WDR4: variants seen among roughly 807,000 people sequenced by gnomAD.
WDR4 encodes WDR4 tRNA N7-guanosine methyltransferase non-catalytic subunit.
A neutral mutation model predicts 48.6 loss-of-function variants in WDR4; 47 were observed. That is an observed-to-expected ratio of 0.97 (90% CI 0.77 to 1.23). The LOEUF (loss-of-function observed/expected upper bound fraction) is 1.23, where lower values mean the gene tolerates loss of function less well. Ranked by LOEUF, WDR4 falls within the 50% of genes most tolerant of loss-of-function variation. WDR4 has a pLI of 0.00. For synonymous variants in WDR4, 268 were observed against 230.0 expected (o/e 1.17, Z -1.49); for missense variants, 606 against 551.6 (o/e 1.10, Z -0.99).
the WDR4 span, among the ~76,000 whole-genome samples, chr21:42,885,631 G>C: frequency 6.6e-6 from 1 of 151,964 alleles, no homozygotes; most frequent in Non-Finnish European, 1.5e-5. Context: ...TAGATAGATA[G>C]ATATAAATTA....
rs113921521 is a variant in WDR4, at chr21:42,855,634, C to A, written c.726+48G>T. 1.3e-4 allele frequency: 184 copies of A among 1,390,208 alleles called. 3 individuals carry two copies. In the South Asian group the frequency reaches 1.8e-3, roughly 14 times the overall value. 86.1% of individuals were successfully genotyped at this position (1,390,208 alleles called of 1,614,324 possible). A position where few individuals can be genotyped will look rare whatever the true frequency, so the allele number is the denominator to read the frequency against. On this transcript the variant is annotated intron_variant, in intron 7 of 10. Coordinates refer to ENST00000398208, the MANE Select transcript of WDR4 (RefSeq NM_018669.6). ...TTTTCCACTCAAGTCAGGCGACTGC[C>A]GGTGTCTACAAGCACTCAGTCGCCC...
At position 42,859,703 on chromosome 21, in the gene WDR4, C is replaced by T. The variant is rs141906425; in HGVS notation, c.586G>A (p.Val196Met). The T allele has an allele frequency of 8.8e-4, 1,374 of 1,562,622 alleles. 3 individuals carry two copies. Among genetic ancestry groups the T allele is most frequent in the Non-Finnish European group, 1.1e-3 (1,230 of 1,153,532 alleles). Residue 196 changes from valine (V) to methionine (M), a missense_variant, in exon 6 of 11, where the codon GTG becomes ATG. By Grantham distance (21) the Val-to-Met change is conservative (BLOSUM62 1). Transcript: ENST00000398208. ...AGCAGCCCGGGCTGAGTTGGCACCA[C>T]GGAGATACGGCTCACAAACCTGTGA... ...GHTEFVSRISVVPTQPGLLLS... is the reference protein window; with the variant it reads ...GHTEFVSRISMVPTQPGLLLS...
At chr21:42,869,968 G>A (rs1468467504) in intron 3 of WDR4, among the ~76,000 whole-genome samples, 5 of 150,808 alleles carry the variant, frequency 3.3e-5, no homozygotes, top group South Asian at 2.1e-4. Flanking sequence ...AGCCTAGATC[G>A]TGCCATTGCC....
rs542968530 is a variant in WDR4, at chr21:42,851,467, G to A, written c.1045+788C>T. Among the ~76,000 whole-genome samples, 11 of 152,324 alleles carry A rather than the reference G, an allele frequency of 7.2e-5. No homozygotes were observed. In the East Asian group the frequency reaches 1.5e-3, roughly 21 times the overall value. Reference sequence around the variant, plus strand: ...CGACCTCAGTGTGAATCCCTCCAGAGCTCCAAGGAACCTCAGTGCTCACTG... The same window carrying A: ...CGACCTCAGTGTGAATCCCTCCAGAACTCCAAGGAACCTCAGTGCTCACTG... On this transcript the variant is annotated intron_variant, in intron 10 of 10. Transcript: ENST00000398208.
At chr21:42,864,640 A>G (rs967499872) in intron 3 of WDR4, among the ~76,000 whole-genome samples, 3 of 152,188 alleles carry the variant, frequency 2.0e-5, no homozygotes, top group African/African-American at 7.2e-5. Context: ...AGAGTCATGG[A>G]TGCACCAGAG....
intron 3 of WDR4, among the ~76,000 whole-genome samples, chr21:42,865,669 C>T (rs1489717936): frequency 6.6e-6 from 1 of 152,092 alleles, no homozygotes; most frequent in Non-Finnish European, 1.5e-5. Flanking sequence ...GGGCAGGTCA[C>T]TGGACCAATG....
rs953473824 is a variant in WDR4 at position 42,853,600 on chromosome 21, A to C, written c.944T>G (p.Val315Gly). 2 of 1,610,798 alleles carry C rather than the reference A, an allele frequency of 1.2e-6. No individual in the cohort carries two copies. Among genetic ancestry groups the C allele is most frequent in the Non-Finnish European group, 1.7e-6 (2 of 1,179,188 alleles). Residue 315 changes from valine (V) to glycine (G), a missense_variant, in exon 9 of 11, where the codon GTG (valine) becomes GGG (glycine). By Grantham distance (109) the Val-to-Gly change is moderately radical. Transcript: ENST00000398208. ...CTGGTCGCCCACAGGCCTGTAGAGC[A>C]CCAGGGGGGCTTCCTGGCAGTCCTG... ...VLQDCQEAPLVLYRPVGDQWQ... is the reference protein window; with the variant it reads ...VLQDCQEAPLGLYRPVGDQWQ...
At chr21:42,864,652 TC>T (rs1161632885) in intron 3 of WDR4, among the ~76,000 whole-genome samples, 2 of 152,016 alleles carry the variant, frequency 1.3e-5, no homozygotes, top group African/African-American at 4.8e-5. Context: ...GCACCAGAGT[TC>T]CGGATGCAGC....
At chr21:42,871,376 C>T (rs2058365991) in intron 3 of WDR4, among the ~76,000 whole-genome samples, 1 of 152,228 alleles carries the variant, frequency 6.6e-6, no homozygotes, top group African/African-American at 2.4e-5. Context: ...GTCCAAGAAA[C>T]CCAAAGTCAA....
intron 6 of WDR4, among the ~76,000 whole-genome samples, chr21:42,857,623 C>T (rs2058025516): frequency 1.3e-5 from 2 of 152,078 alleles, no homozygotes; most frequent in South Asian, 4.1e-4. Context: ...GTGCACTATC[C>T]GAGAATGGGT....
chr21:42,853,531 G>A, intron 9 of WDR4, 38 bp downstream of exon 9: 1 of 1,581,090 alleles, frequency 6.3e-7, no homozygotes, highest in South Asian at 1.1e-5. Flanking sequence ...CTTATGGAAA[G>A]GCAGGGCATA....
At chr21:42,867,438 T>C (rs1375944625) in intron 3 of WDR4, among the ~76,000 whole-genome samples, 1 of 150,608 alleles carries the variant, frequency 6.6e-6, no homozygotes, top group African/African-American at 2.4e-5. Flanking sequence ...AAAGGGGCAC[T>C]GCCAAGAGCC....
chr21:42,859,982 C>A (rs928211626), intron 5 of WDR4, among the ~76,000 whole-genome samples: 80 of 152,136 alleles, frequency 5.3e-4, no homozygotes, highest in Non-Finnish European at 8.4e-4. Flanking sequence ...CTAACCCAGG[C>A]CGCTCCTCAG....
chr21:42,883,314 CTTT>C (rs11340340), upstream of WDR4, among the ~76,000 whole-genome samples: 49 of 119,456 alleles, frequency 4.1e-4, no homozygotes, highest in African/African-American at 6.7e-4. Flanking sequence ...AGAAGTTACC[CTTT>C]TTTTTTTTTT....
At position 42,855,697 on chromosome 21, in the gene WDR4, G is replaced by A. The variant is rs757897693; in HGVS notation, c.711C>T (p.Asp237=). 2 of 1,553,054 alleles carry A rather than the reference G, an allele frequency of 1.3e-6. No homozygotes were observed. Among genetic ancestry groups the A allele is most frequent in the Non-Finnish European group, 1.7e-6 (2 of 1,147,706 alleles). Residue 237 remains aspartate, a synonymous_variant, in exon 7 of 11, where the codon GAC becomes GAT. Transcript: ENST00000398208. ...AAGCAGCTACCTGGGGGGCCTGGGG[G>A]TCCACCAGCTCCTGCAGACTGGCCA... is the stretch of plus-strand genomic sequence containing the variant. ...CHLASLQELV[D]PQAPQKFAAS...
chr21:42,859,781 G>A lies in WDR4; in HGVS notation c.567-59C>T, dbSNP rs2058075402. 5 of 1,510,470 alleles carry A rather than the reference G, an allele frequency of 3.3e-6. No homozygotes were observed. In the African/African-American group the frequency reaches 4.2e-5, roughly 13 times the overall value. The allele number at this position is 1,510,470 out of a possible 1,614,324, so 93.6% of individuals were successfully genotyped here. On this transcript the variant is annotated intron_variant, in intron 5 of 10. Coordinates refer to ENST00000398208, the MANE Select transcript of WDR4 (RefSeq NM_018669.6). ...AGCCCAGCGCCCGCAGGGACCGGGA[G>A]GCCTGGGGAGGCCGCCTGTTCATCT...
the WDR4 span, among the ~76,000 whole-genome samples, chr21:42,890,958 C>G: frequency 1.3e-5 from 2 of 152,238 alleles, no homozygotes; most frequent in African/African-American, 4.8e-5. Flanking sequence ...CCTGCTCCCT[C>G]TAGTCTTAGG....
intron 3 of WDR4, among the ~76,000 whole-genome samples, chr21:42,864,254 C>T (rs1470930331): frequency 6.6e-6 from 1 of 151,608 alleles, no homozygotes; most frequent in Non-Finnish European, 1.5e-5. Flanking sequence ...GTTCCTTAAC[C>T]CCAGAGTCTT....
At chr21:42,869,667 GAA>G (rs529254655) in intron 3 of WDR4, among the ~76,000 whole-genome samples, 2,228 of 145,722 alleles carry the variant, frequency 0.015, 136 homozygotes, top group Admixed American at 0.11. Flanking sequence ...ATAGGATATG[GAA>G]AAAAAAAAAG....
Sources: gnomAD v4.1 joint callset for allele counts (sites outside exome capture counted in the v4.1 genomes callset) on GRCh38, gnomAD v4.1.1 for gene constraint, MANE v1.5 for transcripts, NCBI Gene and HGNC (gene_info 2026-07-23, HGNC 2026-07-21) for gene names.